Variants in TRAK1 observed in about 807,000 individuals in gnomAD.
The protein encoded by TRAK1 is trafficking kinesin-binding protein 1.
TRAK1 carries 33 observed loss-of-function variants against 92.1 expected under a neutral mutation model. The ratio of observed to expected loss-of-function variants is 0.36; its 90% CI spans 0.27 to 0.48. TRAK1 has a LOEUF of 0.48. TRAK1 is among the 20% of genes least tolerant of loss of function. The probability of loss-of-function intolerance (pLI) is 0.99; values close to 1 mark genes in which losing one functional copy is unlikely to be tolerated. For missense variants in TRAK1, 1,123 were observed against 1,257.9 expected (o/e 0.89, Z 1.62); for synonymous variants, 521 against 517.3 (o/e 1.01, Z -0.10).
chr3:42,135,887 A>T (rs1697892826), intron 2 of TRAK1, among the ~76,000 whole-genome samples: 1 of 152,148 alleles, frequency 6.6e-6, no homozygotes, highest in Non-Finnish European at 1.5e-5. Flanking sequence ...ATGTTGCCAG[A>T]ATGTCATAGA....
chr3:42,098,682 C>T (rs954404523), intron 1 of TRAK1, among the ~76,000 whole-genome samples: 1 of 152,162 alleles, frequency 6.6e-6, no homozygotes, highest in East Asian at 1.9e-4. Context: ...GAGGCCTTAT[C>T]TGGTCCAGGC....
At chr3:42,146,258 CA>C in intron 2 of TRAK1, 1 of 303,010 alleles carries the variant, frequency 3.3e-6, no homozygotes, top group Non-Finnish European at 6.8e-6. Context: ...TGATGAAAAG[CA>C]ATATTGCCGT....
intron 1 of TRAK1, among the ~76,000 whole-genome samples, chr3:42,102,789 A>G (rs1462525068): frequency 6.6e-6 from 1 of 152,128 alleles, no homozygotes; most frequent in African/African-American, 2.4e-5. Flanking sequence ...CACTGCTGGC[A>G]TGTTTAGGCA....
intron 3 of TRAK1, among the ~76,000 whole-genome samples, chr3:42,180,718 G>A (rs532163523): frequency 6.6e-6 from 1 of 151,844 alleles, no homozygotes; most frequent in East Asian, 1.9e-4. Context: ...AAAGGTGGAG[G>A]GTGGAGAAAG....
chr3:42,032,716 T>TG (rs1702194698), intron 1 of TRAK1, among the ~76,000 whole-genome samples: 1 of 152,180 alleles, frequency 6.6e-6, no homozygotes, highest in South Asian at 2.1e-4. Context: ...AAAACAAGTG[T>TG]GGTAGGCTGC....
chr3:42,208,033 A>G (rs184962795), intron 13 of TRAK1, among the ~76,000 whole-genome samples: 2 of 152,200 alleles, frequency 1.3e-5, no homozygotes, highest in Admixed American at 1.3e-4. Flanking sequence ...GACATTACCA[A>G]ATGTCCCTGG....
chr3:42,086,117 G>T (rs1446838757), upstream of TRAK1, among the ~76,000 whole-genome samples: 1 of 152,176 alleles, frequency 6.6e-6, no homozygotes, highest in Non-Finnish European at 1.5e-5. Flanking sequence ...GTGCAGGTGC[G>T]CTGGGAGTTG....
intron 1 of TRAK1, among the ~76,000 whole-genome samples, chr3:42,109,317 T>G (rs1268478023): frequency 6.6e-6 from 1 of 152,190 alleles, no homozygotes; most frequent in Non-Finnish European, 1.5e-5. Context: ...TCAAACCCAA[T>G]AAAATCCAGA....
rs1576292580 is a variant in TRAK1 at position 42,091,391 on chromosome 3, G to A, written c.-79G>A. ...CTGAGGAAGGCACGGGAGGGTGGCT[G>A]TGCGAGGTACTGCCGGGGCTGAGCT... On this transcript the variant is annotated 5_prime_UTR_variant, in exon 1 of 16. It adds an upstream start codon to the 5' untranslated region. Coordinates refer to ENST00000327628, the MANE Select transcript of TRAK1 (RefSeq NM_001042646.3). 6.1e-6 allele frequency: 8 copies of A among 1,319,490 alleles called. No homozygotes were observed. The East Asian group carries it at 1.7e-4, about 27-fold the overall frequency. 81.7% of individuals were successfully genotyped at this position (1,319,490 alleles called of 1,614,324 possible).
chr3:42,160,205 C>T, intron 2 of TRAK1: 2 of 1,442,296 alleles, frequency 1.4e-6, no homozygotes, highest in Non-Finnish European at 9.1e-7. Flanking sequence ...GTACACCCCT[C>T]CACTTCAGCT....
chr3:42,127,364 T>C (rs1338027780), intron 2 of TRAK1, among the ~76,000 whole-genome samples: 10 of 151,532 alleles, frequency 6.6e-5, no homozygotes, highest in Non-Finnish European at 1.2e-4. Flanking sequence ...TTTTTTTTTT[T>C]TTGGTTGAGA....
chr3:42,054,338 T>G (rs1703107439), intron 1 of TRAK1, among the ~76,000 whole-genome samples: 1 of 152,156 alleles, frequency 6.6e-6, no homozygotes, highest in South Asian at 2.1e-4. Flanking sequence ...CCTCATCTGG[T>G]GCCCCAGCCT....
chr3:42,209,275 G>A (rs563455280), intron 13 of TRAK1, among the ~76,000 whole-genome samples: 3 of 152,278 alleles, frequency 2.0e-5, no homozygotes, highest in Admixed American at 2.0e-4. Flanking sequence ...TTCTCTTGCT[G>A]TTGGTCGTGG....
intron 1 of TRAK1, among the ~76,000 whole-genome samples, chr3:42,042,617 C>T (rs1043019139): frequency 6.6e-6 from 1 of 151,950 alleles, no homozygotes; most frequent in African/African-American, 2.4e-5. Flanking sequence ...GTGATCTGCC[C>T]GCCTTGGCCT....
chr3:42,182,856 T>C (rs1463197), intron 3 of TRAK1, among the ~76,000 whole-genome samples: 90,263 of 152,076 alleles, frequency 0.59, 27,398 homozygotes, highest in East Asian at 0.95. Flanking sequence ...AAAGCGGATT[T>C]TTCTCTTTAT....
intron 1 of TRAK1, among the ~76,000 whole-genome samples, chr3:42,079,531 A>G (rs1261162223): frequency 7.6e-6 from 1 of 132,162 alleles, no homozygotes; most frequent in East Asian, 2.2e-4. Flanking sequence ...CCCAGGCTGG[A>G]GTACAATGGT....
chr3:42,143,725 G>T (rs564144956), intron 2 of TRAK1, among the ~76,000 whole-genome samples: 3 of 152,100 alleles, frequency 2.0e-5, no homozygotes, highest in Non-Finnish European at 2.9e-5. Flanking sequence ...TAGGGAGGAG[G>T]CTGCTTTTTC....
chr3:42,115,260 C>T (rs1012139208), intron 1 of TRAK1, among the ~76,000 whole-genome samples: 1 of 152,080 alleles, frequency 6.6e-6, no homozygotes, highest in Non-Finnish European at 1.5e-5. Context: ...CTGTAATTAT[C>T]GCCTGTTTTT....
chr3:42,165,967 G>A (rs1484592692), intron 2 of TRAK1, among the ~76,000 whole-genome samples: 1 of 151,968 alleles, frequency 6.6e-6, no homozygotes, highest in Non-Finnish European at 1.5e-5. Flanking sequence ...TTGCCACTCT[G>A]CCCATTTCTG....
Sources: allele counts gnomAD v4.1 joint callset (sites outside exome capture counted in the v4.1 genomes callset), GRCh38; gene constraint gnomAD v4.1.1; transcripts MANE v1.5; gene names NCBI Gene and HGNC (gene_info 2026-07-23, HGNC 2026-07-21).